ATP10B: variants seen among roughly 807,000 people sequenced by gnomAD.
ATP10B encodes the protein ATPase phospholipid transporting 10B (putative).
In ATP10B, 122 loss-of-function variants were observed where a neutral mutation model predicts 141.2. The ratio of observed to expected loss-of-function variants is 0.86; its 90% CI spans 0.75 to 1.00. The LOEUF is 1.00. Among genes scored for constraint, ATP10B ranks in the 50% least tolerant of loss-of-function variants. ATP10B has a pLI of 0.00. For missense variants in ATP10B, 1,876 were observed against 1,825.3 expected (o/e 1.03, Z -0.51); for synonymous variants, 685 against 692.0 (o/e 0.99, Z 0.16).
the ATP10B span, among the ~76,000 whole-genome samples, chr5:160,893,669 C>G: frequency 6.6e-6 from 1 of 152,228 alleles, no homozygotes; most frequent in African/African-American, 2.4e-5. Flanking sequence ...AGCGGTGGAT[C>G]TCCCAGCACA....
At chr5:160,579,526 A>G (rs954471683) in intron 24 of ATP10B, among the ~76,000 whole-genome samples, 12 of 152,096 alleles carry the variant, frequency 7.9e-5, no homozygotes, top group African/African-American at 2.9e-4. Context: ...GTTGGTTTAT[A>G]TATCTGTTTT....
rs549876483 is a variant in ATP10B at position 160,850,717 on chromosome 5, C to T, written c.-576+1224G>A. On this transcript the variant is annotated intron_variant, in intron 1 of 25. Transcript: ENST00000327245. ...TAAAAAGTCAGCATGTGGGTTTCAA[C>T]CTTCAGTTTCTCAAGAGCCTATTAA... is the stretch of plus-strand genomic sequence containing the variant. Among the ~76,000 whole-genome samples, 13 of 152,220 alleles carry T rather than the reference C, an allele frequency of 8.5e-5. No individual in the cohort carries two copies. The South Asian group carries it at 2.7e-3, about 32-fold the overall frequency.
chr5:160,856,450 T>G (rs1433748060), upstream of ATP10B, among the ~76,000 whole-genome samples: 1 of 151,852 alleles, frequency 6.6e-6, no homozygotes, highest in Non-Finnish European at 1.5e-5. Context: ...CACCTGCAAA[T>G]AGAAACGGTA....
chr5:160,863,483 G>T, the ATP10B span, among the ~76,000 whole-genome samples: 9 of 152,066 alleles, frequency 5.9e-5, no homozygotes, highest in African/African-American at 2.2e-4. Context: ...AAAGTTCATA[G>T]CATTAAATGC....
chr5:160,739,991 A>T lies in ATP10B; in HGVS notation c.-330-22957T>A, dbSNP rs563141544. Among the ~76,000 whole-genome samples, 51 of 152,244 alleles carry T rather than the reference A, an allele frequency of 3.3e-4. 1 individual carries two copies. The highest frequency in any genetic ancestry group is 9.9e-4 in the African/African-American group (41 of 41,534). ...TGTGCCCAACATTCTTTTCCTTTTTAAAAAAATAAATACTGAATAAATAAG... is the reference window on the plus strand; with the variant it reads ...TGTGCCCAACATTCTTTTCCTTTTTTAAAAAATAAATACTGAATAAATAAG... On this transcript the variant is annotated intron_variant, in intron 2 of 25. Coordinates refer to ENST00000327245, the MANE Select transcript of ATP10B (RefSeq NM_025153.3).
At chr5:160,911,298 T>C in the ATP10B span, among the ~76,000 whole-genome samples, 2 of 152,210 alleles carry the variant, frequency 1.3e-5, no homozygotes, top group Non-Finnish European at 2.9e-5. Flanking sequence ...AAAATCATCA[T>C]TCTTCCTCAT....
chr5:160,587,784 C>A (rs1756005812), intron 24 of ATP10B, among the ~76,000 whole-genome samples: 1 of 152,180 alleles, frequency 6.6e-6, no homozygotes, highest in Non-Finnish European at 1.5e-5. Flanking sequence ...GATTTTCTAT[C>A]CTAAGACTTT....
At chr5:160,733,687 A>ACC (rs1561799385) in intron 2 of ATP10B, among the ~76,000 whole-genome samples, 2 of 81,850 alleles carry the variant, frequency 2.4e-5, no homozygotes, top group African/African-American at 1.4e-4. Flanking sequence ...ATATATACAC[A>ACC]CACACATATA....
intron 1 of ATP10B, among the ~76,000 whole-genome samples, chr5:160,819,470 A>C (rs73303802): frequency 2.0e-5 from 3 of 152,274 alleles, no homozygotes; most frequent in African/African-American, 7.2e-5. Context: ...AATGAACAAT[A>C]AGAAATCATC....
rs200584207 is a variant in ATP10B, at chr5:160,617,942, T to A, written c.2448A>T (p.Arg816Ser). Residue 816 changes from arginine (R) to serine (S), a missense_variant, in exon 16 of 26, where the codon AGA becomes AGT. Transcript: ENST00000327245. ...VPDINMEKKL[R>S]KIRARTQKHL... ...GCTTTTGGGTCCGGGCTCGGATTTT[T>A]CTCAGCTTCTTTTCCATATTAATGT... 1.9e-6 allele frequency: 3 copies of A among 1,614,228 alleles called. No homozygotes were observed. The South Asian group carries it at 3.3e-5, about 18-fold the overall frequency.
At chr5:160,840,951 G>A (rs977661718) in intron 1 of ATP10B, among the ~76,000 whole-genome samples, 8 of 152,064 alleles carry the variant, frequency 5.3e-5, no homozygotes, top group South Asian at 2.1e-4. Context: ...GATATATTTC[G>A]TTCATAGGGC....
At chr5:160,615,732 GGCT>G in intron 17 of ATP10B, 103 bp downstream of exon 17, 1 of 1,408,814 alleles carries the variant, frequency 7.1e-7, no homozygotes, top group Non-Finnish European at 9.7e-7. Flanking sequence ...CCCCAGGGAA[GGCT>G]GCTAATGGAG....
In ATP10B at chr5:160,572,677, C is replaced by T. The variant is rs1037515841; in HGVS notation, c.3751-2994G>A. 2.0e-5 allele frequency among the ~76,000 whole-genome samples: 3 copies of T among 152,138 alleles called. No individual in the cohort carries two copies. The East Asian group carries it at 5.8e-4, about 29-fold the overall frequency. ...TTAAAAATCTTTCAGGACATTAAAT[C>T]TTTTGAATGGTTTTAAAAAATCTAA... On this transcript the variant is annotated intron_variant, in intron 24 of 25. Transcript: ENST00000327245.
intron 15 of ATP10B, among the ~76,000 whole-genome samples, chr5:160,619,018 A>G (rs1758176461): frequency 6.6e-6 from 1 of 152,226 alleles, no homozygotes; most frequent in African/African-American, 2.4e-5. Flanking sequence ...CTGTTTTTAT[A>G]TAATATAAAA....
chr5:160,610,855 C>A (rs1757682838), intron 18 of ATP10B, among the ~76,000 whole-genome samples: 1 of 152,154 alleles, frequency 6.6e-6, no homozygotes, highest in African/African-American at 2.4e-5. Context: ...GTTAGTAATT[C>A]TCTCATCTTC....
intron 13 of ATP10B, among the ~76,000 whole-genome samples, chr5:160,624,821 C>T (rs771972401): frequency 2.6e-5 from 4 of 152,216 alleles, no homozygotes; most frequent in Non-Finnish European, 5.9e-5. Context: ...AATCAGAGCT[C>T]AGACTCCTGA....
In ATP10B at chr5:160,620,967, G is replaced by A; in HGVS notation, c.1813-17C>T. On this transcript the variant is annotated splice_polypyrimidine_tract_variant and intron_variant, in intron 14 of 25. Transcript: ENST00000327245. The stretch of plus-strand genomic sequence containing the variant: ...GATGGTGACCTTGTGGCCAAAGAAG[G>A]AAAGTGGAATATTACTCTCAATGTT... 1 of 1,597,604 alleles carries A rather than the reference G, an allele frequency of 6.3e-7. No individual in the cohort carries two copies. Among genetic ancestry groups the A allele is most frequent in the Admixed American group, 1.7e-5 (1 of 57,976 alleles).
intron 1 of ATP10B, among the ~76,000 whole-genome samples, chr5:160,843,508 A>C (rs1442530666): frequency 9.4e-6 from 1 of 106,802 alleles, no homozygotes; most frequent in Admixed American, 8.8e-5. Context: ...GAGCATTGAC[A>C]AAAAAAAAAA....
At chr5:160,929,025 T>TG in the ATP10B span, among the ~76,000 whole-genome samples, 1 of 152,148 alleles carries the variant, frequency 6.6e-6, no homozygotes, top group African/African-American at 2.4e-5. Context: ...GATAGAGGAT[T>TG]GGGGGTCCCT....
Sources: gnomAD v4.1 joint callset for allele counts (sites outside exome capture counted in the v4.1 genomes callset) on GRCh38, gnomAD v4.1.1 for gene constraint, MANE v1.5 for transcripts, NCBI Gene and HGNC (gene_info 2026-07-23, HGNC 2026-07-21) for gene names.